SYNE1: variants seen among roughly 807,000 people sequenced by gnomAD.
SYNE1 encodes the protein spectrin repeat containing nuclear envelope protein 1, also known as nesprin-1.
In SYNE1, 616 loss-of-function variants were observed where a neutral mutation model predicts 1,111.0. That is an observed-to-expected ratio of 0.55 (90% CI 0.52 to 0.59). SYNE1 has a LOEUF of 0.59. Among genes scored for constraint, SYNE1 ranks in the 20% least tolerant of loss-of-function variants. The probability of loss-of-function intolerance (pLI) is 0.00; values close to 1 mark genes in which losing one functional copy is unlikely to be tolerated. For missense variants in SYNE1, 10,006 were observed against 10,417.0 expected (o/e 0.96, Z 1.72); for synonymous variants, 3,855 against 3,825.8 (o/e 1.01, Z -0.28).
chr6:152,610,872 G>T (rs531310248), intron 3 of SYNE1, among the ~76,000 whole-genome samples: 1 of 152,246 alleles, frequency 6.6e-6, no homozygotes, highest in African/African-American at 2.4e-5. Context: ...TTTCAACCCA[G>T]AATTTCATAT....
At position 152,381,325 on chromosome 6, in the gene SYNE1, A is replaced by G. The variant is rs150459831; in HGVS notation, c.8690T>C (p.Leu2897Pro). ...GGGAGCCAGCGACTCCACTCTGCTG[A>G]GACGGCTTGCACCAATCTCTCTGGA... ...IDSREIGASR[L>P]SRVESLAPEV... Residue 2897 changes from leucine to proline, a missense_variant, in exon 56 of 146, where the codon CTC becomes CCC. Transcript: ENST00000367255. 2 of 1,613,916 alleles carry G rather than the reference A, an allele frequency of 1.2e-6. No homozygotes were observed. Among genetic ancestry groups the G allele is most frequent in the Non-Finnish European group, 1.7e-6 (2 of 1,180,054 alleles).
intron 119 of SYNE1, among the ~76,000 whole-genome samples, chr6:152,220,171 A>G (rs1383526083): frequency 6.6e-6 from 1 of 152,220 alleles, no homozygotes; most frequent in Non-Finnish European, 1.5e-5. Flanking sequence ...TTTTATTTAC[A>G]TAGTTTTTAT....
At chr6:152,154,726 C>T (rs954768641) in intron 133 of SYNE1, among the ~76,000 whole-genome samples, 166 bp downstream of exon 133, 3 of 152,018 alleles carry the variant, frequency 2.0e-5, no homozygotes, top group South Asian at 2.1e-4. Flanking sequence ...CCCCTTCATA[C>T]GTATGACTAC....
chr6:152,359,378 A>G lies in SYNE1; in HGVS notation c.10380T>C (p.Tyr3460=), dbSNP rs781430746. The G allele has an allele frequency of 1.6e-5, 26 of 1,614,168 alleles. No individual in the cohort carries two copies. In the South Asian group the frequency reaches 2.5e-4, roughly 16 times the overall value. The part of the protein sequence containing the change: ...EVKGAGMTEH[Y]VTQLELQDLQ... ...GATCCTGGAGTTCTAGCTGGGTGAC[A>G]TAGTGTTCTGTCATGCCAGCCCCTT... The change falls in exon 65 of 146, where the codon TAT becomes TAC. Residue 3460 remains tyrosine (Y), a synonymous_variant. Transcript: ENST00000367255.
At chr6:152,302,854 T>C (rs955761523) in intron 91 of SYNE1, among the ~76,000 whole-genome samples, 3 of 152,134 alleles carry the variant, frequency 2.0e-5, no homozygotes, top group Non-Finnish European at 2.9e-5. Flanking sequence ...AAATATATTA[T>C]GAGAGATAGA....
intron 3 of SYNE1, among the ~76,000 whole-genome samples, chr6:152,617,068 T>A (rs1264411174): frequency 6.6e-6 from 1 of 152,206 alleles, no homozygotes; most frequent in Non-Finnish European, 1.5e-5. Context: ...CTCAATTCTC[T>A]CGGAGACTGA....
At chr6:152,132,064 T>C in intron 144 of SYNE1, 58 bp downstream of exon 144, 2 of 1,508,900 alleles carry the variant, frequency 1.3e-6, no homozygotes, top group Non-Finnish European at 1.8e-6. Flanking sequence ...GTGCAAATAC[T>C]GTCACTTCCC....
intron 3 of SYNE1, among the ~76,000 whole-genome samples, chr6:152,591,325 G>A (rs79691125): frequency 1.3e-5 from 2 of 152,098 alleles, no homozygotes; most frequent in African/African-American, 2.4e-5. Flanking sequence ...TAGACTGATG[G>A]AACAGAATAG....
chr6:152,563,368 G>A (rs549873887), intron 3 of SYNE1, among the ~76,000 whole-genome samples: 13 of 151,994 alleles, frequency 8.6e-5, no homozygotes, highest in South Asian at 6.2e-4. Flanking sequence ...CAAATGCACC[G>A]CTCCCCAGTG....
intron 3 of SYNE1, among the ~76,000 whole-genome samples, chr6:152,612,293 A>C (rs1013856660): frequency 2.6e-5 from 4 of 152,128 alleles, no homozygotes; most frequent in Non-Finnish European, 4.4e-5. Flanking sequence ...AAACAGATGC[A>C]ATAAAAAATG....
At chr6:152,277,996 C>A (rs2093765582) in intron 98 of SYNE1, 93 bp downstream of exon 98, 1 of 1,408,248 alleles carries the variant, frequency 7.1e-7, no homozygotes, top group Non-Finnish European at 1.0e-6. Flanking sequence ...GTACGCGTCA[C>A]CGCCAACCTG....
intron 3 of SYNE1, among the ~76,000 whole-genome samples, chr6:152,568,212 T>C (rs765092733): frequency 1.3e-4 from 19 of 151,376 alleles, no homozygotes; most frequent in Non-Finnish European, 2.2e-4. Context: ...ATCCAACATA[T>C]TATAAACATA....
intron 9 of SYNE1, 146 bp from the exon 10 acceptor site, chr6:152,502,888 G>A: frequency 1.6e-6 from 1 of 642,962 alleles, no homozygotes; most frequent in Admixed American, 2.6e-5. Flanking sequence ...ACGGGGAGGA[G>A]GGTAAACCAA....
chr6:152,311,149 C>G, intron 87 of SYNE1: 2 of 483,674 alleles, frequency 4.1e-6, no homozygotes, highest in South Asian at 4.2e-5. Flanking sequence ...CAAGCCCAAG[C>G]TGCCCCCTCG....
Position 152,337,208 on chromosome 6 carries a change from T to A in SYNE1, c.12352-191A>T, listed in dbSNP as rs9397100. On this transcript the variant is annotated intron_variant, in intron 75 of 145. Transcript: ENST00000367255. ...TGCTTCAGGAAAAGCAGATTTTTTT[T>A]AAAAAAATGTAGGGTTCCTAAAGAC... is the stretch of plus-strand genomic sequence containing the variant. Among the ~76,000 whole-genome samples, 115,183 of 152,090 alleles carry A rather than the reference T, an allele frequency of 0.76. 44,009 individuals are homozygous for A. The highest frequency in any genetic ancestry group is 0.86 in the African/African-American group (35,852 of 41,502).
intron 34 of SYNE1, 85 bp from the exon 35 acceptor site, chr6:152,430,794 TA>T: frequency 7.8e-7 from 1 of 1,281,834 alleles, no homozygotes; most frequent in Non-Finnish European, 1.1e-6. Flanking sequence ...AAAGAGGGAA[TA>T]TTTTCTTAAC....
intron 8 of SYNE1, 84 bp downstream of exon 8, chr6:152,510,109 T>C: frequency 7.4e-7 from 1 of 1,358,122 alleles, no homozygotes; most frequent in Non-Finnish European, 1.1e-6. Context: ...TCTCTTCACA[T>C]TTCGCAATCA....
At chr6:152,632,157 G>A (rs1301079508) in intron 2 of SYNE1, among the ~76,000 whole-genome samples, 1 of 152,094 alleles carries the variant, frequency 6.6e-6, no homozygotes, top group Non-Finnish European at 1.5e-5. Context: ...CTGGTATAGA[G>A]GCTATAACAT....
At position 152,465,406 on chromosome 6, in the gene SYNE1, C is replaced by T; in HGVS notation, c.1784G>A (p.Arg595Lys). 6.2e-7 allele frequency: 1 copy of T among 1,613,728 alleles called. No homozygotes were observed. Among genetic ancestry groups the T allele is most frequent in the Non-Finnish European group, 8.5e-7 (1 of 1,179,806 alleles). The change falls in exon 18 of 146, where the codon AGG (arginine) becomes AAG (lysine). Residue 595 changes from arginine (R) to lysine (K), a missense_variant. Physicochemically the swap from Arg to Lys is conservative, Grantham distance 26 (BLOSUM62 2). Around this residue, in one of 7 missense-constraint regions of SYNE1, gnomAD observed 1,971 missense variants for 2,084.1 expected, o/e 0.95. Coordinates refer to ENST00000367255, the MANE Select transcript of SYNE1 (RefSeq NM_182961.4). ...KFMNETTAQW[R>K]NLSVEVRSVR... Reference sequence around the variant, plus strand: ...ACTCCTCACTTCTACTGAGAGATTCCTCCACTGAGCGGTGGTTTCATTCAT... The same window carrying T: ...ACTCCTCACTTCTACTGAGAGATTCTTCCACTGAGCGGTGGTTTCATTCAT...
Sources: allele counts gnomAD v4.1 joint callset (sites outside exome capture counted in the v4.1 genomes callset), GRCh38; gene constraint gnomAD v4.1.1; regional missense constraint gnomAD v4.1.1; transcripts MANE v1.5; gene names NCBI Gene and HGNC (gene_info 2026-07-23, HGNC 2026-07-21).